Variants in OTOGL observed in about 807,000 individuals in gnomAD.
OTOGL encodes the protein otogelin-like protein.
In OTOGL, 285 loss-of-function variants were observed where a neutral mutation model predicts 318.5. That is an observed-to-expected ratio of 0.89 (90% CI 0.81 to 0.99). OTOGL has a LOEUF of 0.99. Among genes scored for constraint, OTOGL ranks in the 50% least tolerant of loss-of-function variants. The pLI, the probability that OTOGL is intolerant of heterozygous loss-of-function variation, is 0.00. For synonymous variants in OTOGL, 987 were observed against 936.5 expected (o/e 1.05, Z -0.99); for missense variants, 2,899 against 2,845.6 (o/e 1.02, Z -0.43).
chr12:80,302,598 C>T, intron 27 of OTOGL, 36 bp from the exon 28 acceptor site: 2 of 1,242,442 alleles, frequency 1.6e-6, no homozygotes, highest in Non-Finnish European at 2.0e-6. Context: ...AGAGAACTTA[C>T]TACTCACTTT....
Position 80,286,237 on chromosome 12 carries a change from T to G in OTOGL, c.2928+7071T>G, listed in dbSNP as rs181528497. On this transcript the variant is annotated intron_variant, in intron 26 of 58. Transcript: ENST00000547103. ...AGGGATGAAGCCACCTTGATCGTGG[T>G]GGATAAGCTTTTTGATATGCTGCTG... Among the ~76,000 whole-genome samples, 451 of 152,332 alleles carry G rather than the reference T, an allele frequency of 3.0e-3. 6 individuals are homozygous for G. Among genetic ancestry groups the G allele is most frequent in the African/African-American group, 0.01 (422 of 41,586 alleles).
At chr12:80,192,155 C>G (rs1396133900) in intron 1 of OTOGL, among the ~76,000 whole-genome samples, 2 of 152,214 alleles carry the variant, frequency 1.3e-5, no homozygotes, top group Non-Finnish European at 2.9e-5. Flanking sequence ...TGAATACCTA[C>G]AGGACATATG....
chr12:80,107,362 A>G (rs554099496), intron 1 of OTOGL, among the ~76,000 whole-genome samples: 1 of 152,342 alleles, frequency 6.6e-6, no homozygotes, highest in South Asian at 2.1e-4. Context: ...ATGCAAATCA[A>G]AACCACAATG....
intron 1 of OTOGL, among the ~76,000 whole-genome samples, chr12:80,189,083 T>C (rs561527212): frequency 6.6e-6 from 1 of 152,306 alleles, no homozygotes; most frequent in South Asian, 2.1e-4. Context: ...TACTCCACCA[T>C]TTTTTGGCAA....
At chr12:80,368,013 G>A (rs189093604) in intron 54 of OTOGL, among the ~76,000 whole-genome samples, 192 bp from the exon 55 acceptor site, 111 of 152,136 alleles carry the variant, frequency 7.3e-4, no homozygotes, top group African/African-American at 2.5e-3. Flanking sequence ...AGAAGTAAAG[G>A]TTAACATCTA....
intron 29 of OTOGL, 121 bp downstream of exon 29, chr12:80,305,816 G>A: frequency 1.2e-6 from 1 of 830,584 alleles, no homozygotes. Flanking sequence ...GTAATTTATA[G>A]CTGATAAACA....
intron 1 of OTOGL, chr12:80,132,355 T>C (rs949996644): frequency 6.6e-6 from 1 of 152,222 alleles, no homozygotes; most frequent in Admixed American, 6.5e-5. Flanking sequence ...GTCTCACATA[T>C]ATGACAAAAA....
At chr12:80,113,136 CTTCT>C (rs1295340794) in intron 1 of OTOGL, among the ~76,000 whole-genome samples, 1 of 151,760 alleles carries the variant, frequency 6.6e-6, no homozygotes, top group Non-Finnish European at 1.5e-5. Context: ...CTATTTGATT[CTTCT>C]TTCTTTCTTT....
At chr12:80,254,593 T>A in intron 15 of OTOGL, 23 bp downstream of exon 15, 2 of 1,586,438 alleles carry the variant, frequency 1.3e-6, no homozygotes, top group Non-Finnish European at 1.7e-6. Flanking sequence ...AATGTTTTTA[T>A]AGAGAATGTT....
chr12:80,336,311 C>A (rs1888396701), intron 39 of OTOGL, 102 bp from the exon 40 acceptor site: 1 of 1,353,362 alleles, frequency 7.4e-7, no homozygotes, highest in Admixed American at 3.1e-5. Context: ...TGCTTCTTGT[C>A]AGACATAATA....
chr12:80,127,256 A>T (rs376744818), intron 1 of OTOGL, among the ~76,000 whole-genome samples: 2 of 151,940 alleles, frequency 1.3e-5, no homozygotes, highest in East Asian at 3.9e-4. Context: ...AAATCTCTCA[A>T]CATTTGCTTG....
intron 1 of OTOGL, among the ~76,000 whole-genome samples, chr12:80,145,172 G>C (rs1872257942): frequency 1.3e-5 from 2 of 150,928 alleles, no homozygotes; most frequent in African/African-American, 5.0e-5. Context: ...TTTTCTTCTA[G>C]GGTTTTTATG....
chr12:80,336,332 A>G (rs1888397639), intron 39 of OTOGL, 81 bp from the exon 40 acceptor site: 3 of 1,405,020 alleles, frequency 2.1e-6, no homozygotes, highest in Non-Finnish European at 2.8e-6. Context: ...AGGCTAATTT[A>G]ACAGATTTTT....
At chr12:80,308,015 C>A in intron 29 of OTOGL, among the ~76,000 whole-genome samples, 1 of 141,454 alleles carries the variant, frequency 7.1e-6, no homozygotes, top group Non-Finnish European at 1.5e-5. Context: ...CGCCCCTCAC[C>A]TGCCGGACGG....
At chr12:80,311,010 A>G (rs1262714015) in intron 30 of OTOGL, among the ~76,000 whole-genome samples, 1 of 152,202 alleles carries the variant, frequency 6.6e-6, no homozygotes, top group East Asian at 1.9e-4. Context: ...TCATTTTATG[A>G]TTAAGAGCAT....
At position 80,255,158 on chromosome 12, in the gene OTOGL, T is replaced by G; in HGVS notation, c.1560T>G (p.Ile520Met). ...GAACTGGAAAAGATAAATTCACGAT[T>G]ACTTTACAGAAAGCTCCCTGTGAGC... Reference protein sequence around the residue: ...VKGTGKDKFTITLQKAPCEQN... With the variant: ...VKGTGKDKFTMTLQKAPCEQN... The change falls in exon 16 of 59, where the codon ATT (isoleucine) becomes ATG (methionine). Residue 520 changes from isoleucine to methionine, a missense_variant. By Grantham distance (10) the Ile-to-Met change is conservative. This residue lies in a region of OTOGL where 2,607 missense variants were observed against 2,524.9 expected (regional missense o/e 1.03). Transcript: ENST00000547103. 2 of 1,521,044 alleles carry G rather than the reference T, an allele frequency of 1.3e-6. No homozygotes were observed. Among genetic ancestry groups the G allele is most frequent in the South Asian group, 2.6e-5 (2 of 75,930 alleles). 94.2% of individuals were successfully genotyped at this position (1,521,044 alleles called of 1,614,324 possible).
Position 80,125,390 on chromosome 12 carries a change from A to T in OTOGL, c.-20+25785A>T, listed in dbSNP as rs376914248. On this transcript the variant is annotated intron_variant, in intron 1 of 58. Transcript: ENST00000547103. ...GCCTTGCATCCCAGGGATGAAGCCCACTTGATCATGGTGGATAAGCTTTTT... is the reference window on the plus strand; with the variant it reads ...GCCTTGCATCCCAGGGATGAAGCCCTCTTGATCATGGTGGATAAGCTTTTT... Among the ~76,000 whole-genome samples, 206 of 152,322 alleles carry T rather than the reference A, an allele frequency of 1.4e-3. 4 individuals carry two copies. The East Asian group carries it at 0.036, about 26-fold the overall frequency.
intron 26 of OTOGL, among the ~76,000 whole-genome samples, chr12:80,280,746 T>C (rs1189059904): frequency 3.3e-5 from 5 of 151,846 alleles, no homozygotes; most frequent in Non-Finnish European, 5.9e-5. Flanking sequence ...TTGTTCTTTC[T>C]GCTTAGGAAT....
chr12:80,204,184 G>A (rs1876656669), intron 1 of OTOGL, among the ~76,000 whole-genome samples: 1 of 152,048 alleles, frequency 6.6e-6, no homozygotes, highest in Non-Finnish European at 1.5e-5. Flanking sequence ...TCAAACGAAG[G>A]GCATAATTCC....
Sources: gnomAD v4.1 joint callset for allele counts (sites outside exome capture counted in the v4.1 genomes callset) on GRCh38, gnomAD v4.1.1 for gene constraint, gnomAD v4.1.1 regional missense constraint, MANE v1.5 for transcripts, NCBI Gene and HGNC (gene_info 2026-07-23, HGNC 2026-07-21) for gene names.